RREB1: variants seen among roughly 807,000 people sequenced by gnomAD.
RREB1 encodes the protein ras-responsive element-binding protein 1.
Under a neutral mutation model 117.8 loss-of-function variants are expected in RREB1, and 27 were observed. The observed-to-expected ratio is 0.23, with a 90% CI of 0.17 to 0.32. The LOEUF (loss-of-function observed/expected upper bound fraction) is 0.32. Among genes scored for constraint, RREB1 ranks in the 10% least tolerant of loss-of-function variants. The probability of loss-of-function intolerance (pLI) is 1.00; values close to 1 mark genes in which losing one functional copy is unlikely to be tolerated. For missense variants in RREB1, 2,577 were observed against 2,378.2 expected, an observed-to-expected ratio of 1.08 and a Z score of -1.74; for synonymous variants, 1,298 against 1,026.7, an observed-to-expected ratio of 1.26 and a Z score of -5.05.
At chr6:7,177,770 T>A (rs1764579624) in intron 2 of RREB1, among the ~76,000 whole-genome samples, 1 of 152,190 alleles carries the variant, frequency 6.6e-6, no homozygotes, top group Admixed American at 6.5e-5. Context: ...TCACCCAGGC[T>A]GGAGTGTAAT....
intron 8 of RREB1, 49 bp downstream of exon 8, chr6:7,211,758 A>G: frequency 6.3e-7 from 1 of 1,598,564 alleles, no homozygotes; most frequent in Non-Finnish European, 8.6e-7. Context: ...TTCTCCTGGC[A>G]TGTGACAATG....
intron 6 of RREB1, among the ~76,000 whole-genome samples, chr6:7,207,808 T>C (rs1766361945): frequency 6.6e-6 from 1 of 152,226 alleles, no homozygotes; most frequent in African/African-American, 2.4e-5. Flanking sequence ...CTTACACTAT[T>C]TGAAGAGCTG....
chr6:7,121,024 A>G (rs925155142), intron 1 of RREB1, among the ~76,000 whole-genome samples: 6 of 151,872 alleles, frequency 4.0e-5, no homozygotes, highest in Non-Finnish European at 7.4e-5. Context: ...AGGTTTCACC[A>G]TGTTGGCCAG....
intron 6 of RREB1, 109 bp downstream of exon 6, chr6:7,189,431 C>A: frequency 1.9e-6 from 2 of 1,026,598 alleles, no homozygotes; most frequent in Non-Finnish European, 2.8e-6. Context: ...ACAGAGAGTT[C>A]TGGAGCTCTG....
At chr6:7,120,200 C>T (rs1056753126) in intron 1 of RREB1, among the ~76,000 whole-genome samples, 1 of 151,916 alleles carries the variant, frequency 6.6e-6, no homozygotes, top group African/African-American at 2.4e-5. Context: ...CCTCTCATCC[C>T]AGCAGTTTGG....
chr6:7,210,130 A>G (rs1208378020), intron 6 of RREB1, among the ~76,000 whole-genome samples: 1 of 152,254 alleles, frequency 6.6e-6, no homozygotes, highest in Non-Finnish European at 1.5e-5. Flanking sequence ...AGACATGCAC[A>G]TATTTTATGT....
In RREB1 at chr6:7,136,506, G is replaced by GCTCCAGCAACCCGCTATC. The variant is rs1762354155; in HGVS notation, c.-285+28450_-285+28467dup. ...GCCCAGGCCGGTCTCGAACTCCTGG[G>GCTCCAGCAACCCGCTATC]CTCCAGCAACCCGCTATCCTCAGCT... On this transcript the variant is annotated intron_variant, in intron 1 of 12. Coordinates refer to ENST00000379938, the MANE Select transcript of RREB1 (RefSeq NM_001003699.4). Among the ~76,000 whole-genome samples the GCTCCAGCAACCCGCTATC allele has an allele frequency of 2.0e-5, 3 of 152,104 alleles. No homozygotes were observed. The South Asian group carries it at 6.2e-4, about 32-fold the overall frequency.
chr6:7,115,816 GAA>G (rs1761371814), intron 1 of RREB1, among the ~76,000 whole-genome samples: 1 of 152,136 alleles, frequency 6.6e-6, no homozygotes, highest in Non-Finnish European at 1.5e-5. Flanking sequence ...TTGTAAAAAT[GAA>G]AGTCCTCTCC....
chr6:7,128,389 T>G (rs1231532948), intron 1 of RREB1, among the ~76,000 whole-genome samples: 5 of 152,154 alleles, frequency 3.3e-5, no homozygotes, highest in African/African-American at 4.8e-5. Context: ...GGAGGCAGTG[T>G]CTGAAAGTGC....
chr6:7,242,683 A>G (rs1433318549), intron 11 of RREB1, among the ~76,000 whole-genome samples: 1 of 133,434 alleles, frequency 7.5e-6, no homozygotes. Flanking sequence ...GCTTTGAAGG[A>G]AGACCACTTA....
At chr6:7,214,933 G>C (rs1766818093) in intron 8 of RREB1, 1 of 152,230 alleles carries the variant, frequency 6.6e-6, no homozygotes, top group Non-Finnish European at 1.5e-5. Flanking sequence ...TGAATGAAGT[G>C]TTGTCGTAGA....
In RREB1 at chr6:7,230,795, C is replaced by T. The variant is rs141055105; in HGVS notation, c.2696C>T (p.Pro899Leu). Residue 899 changes from proline (P) to leucine (L), a missense_variant, in exon 10 of 13, where the codon CCC becomes CTC. Coordinates refer to ENST00000379938, the MANE Select transcript of RREB1 (RefSeq NM_001003699.4). ...ASSFAVDFNE[P>L]LDFSQKGLAL... ...AGCTTTGCGGTGGACTTCAATGAGC[C>T]CCTGGACTTCTCGCAGAAGGGCCTG... 6.2e-7 allele frequency: 1 copy of T among 1,614,088 alleles called. No homozygotes were observed. The highest frequency in any genetic ancestry group is 8.5e-7 in the Non-Finnish European group (1 of 1,179,962).
At chr6:7,124,619 T>A (rs1243843235) in intron 1 of RREB1, among the ~76,000 whole-genome samples, 1 of 152,232 alleles carries the variant, frequency 6.6e-6, no homozygotes, top group Non-Finnish European at 1.5e-5. Context: ...TCCATTGTTA[T>A]AATTTAGTTT....
chr6:7,229,640 C>T lies in RREB1; in HGVS notation c.1541C>T (p.Thr514Ile), dbSNP rs750029331. 32 of 1,612,900 alleles carry T rather than the reference C, an allele frequency of 2.0e-5. No homozygotes were observed. Among genetic ancestry groups the T allele is most frequent in the Admixed American group, 1.7e-4 (10 of 59,926 alleles). Reference sequence around the variant, plus strand: ...CCTCTGAAGCCAAAGCCCCTGGTCACACCACGGACGGTGGTGGCCACCTCC... The same window carrying T: ...CCTCTGAAGCCAAAGCCCCTGGTCATACCACGGACGGTGGTGGCCACCTCC... Reference protein sequence around the residue: ...MPPLKPKPLVTPRTVVATSTP... With the variant: ...MPPLKPKPLVIPRTVVATSTP... Residue 514 changes from threonine (T) to isoleucine (I), a missense_variant, in exon 10 of 13, where the codon ACA (threonine) becomes ATA (isoleucine). Coordinates refer to ENST00000379938, the MANE Select transcript of RREB1 (RefSeq NM_001003699.4). This position sits in a 1 kb window ranked among gnomAD's most constrained non-coding sequence, Gnocchi z 4.5.
intron 11 of RREB1, 36 bp downstream of exon 11, chr6:7,240,638 GGAGA>G (rs754297537): frequency 6.3e-7 from 1 of 1,584,526 alleles, no homozygotes; most frequent in African/African-American, 1.4e-5. Flanking sequence ...CCAGGAAGAG[GGAGA>G]GAGAGGAGTT....
intron 11 of RREB1, among the ~76,000 whole-genome samples, chr6:7,243,559 G>T (rs938221322): frequency 1.3e-5 from 2 of 152,212 alleles, no homozygotes; most frequent in East Asian, 1.9e-4. Flanking sequence ...GAGTATTCAT[G>T]ATAGGTGAAG....
rs1476942264 is a variant in RREB1 at position 7,230,220 on chromosome 6, C to T, written c.2121C>T (p.Pro707=). Residue 707 remains proline, a synonymous_variant, in exon 10 of 13, where the codon CCC becomes CCT. Coordinates refer to ENST00000379938, the MANE Select transcript of RREB1 (RefSeq NM_001003699.4). The part of the protein sequence containing the change: ...RPYICKICHY[P]FTVKANCERH... The stretch of plus-strand genomic sequence containing the variant: ...ACATTTGCAAGATCTGCCACTACCC[C>T]TTCACTGTCAAAGCCAACTGCGAGC... The T allele has an allele frequency of 1.3e-5, 21 of 1,604,820 alleles. No homozygotes were observed. In the East Asian group the frequency reaches 1.6e-4, roughly 12 times the overall value.
At chr6:7,193,862 G>T (rs1765534904) in intron 6 of RREB1, among the ~76,000 whole-genome samples, 1 of 152,128 alleles carries the variant, frequency 6.6e-6, no homozygotes, top group Non-Finnish European at 1.5e-5. Context: ...TTTGAATATT[G>T]AAACATTTCA....
chr6:7,203,694 A>AT (rs1449197405), intron 6 of RREB1, among the ~76,000 whole-genome samples: 1 of 152,232 alleles, frequency 6.6e-6, no homozygotes, highest in Non-Finnish European at 1.5e-5. Flanking sequence ...TTCTGATAAA[A>AT]TTTAACTATC....
Sources: gnomAD v4.1 joint callset for allele counts (sites outside exome capture counted in the v4.1 genomes callset) on GRCh38, gnomAD v4.1.1 for gene constraint, Gnocchi (gnomAD v3.1) non-coding constraint, MANE v1.5 for transcripts, NCBI Gene and HGNC (gene_info 2026-07-23, HGNC 2026-07-21) for gene names.